Variants in B4GALNT3 observed in about 807,000 individuals in gnomAD.
The protein encoded by B4GALNT3 is beta-1,4-N-acetyl-galactosaminyltransferase 3.
B4GALNT3 carries 86 observed loss-of-function variants against 120.2 expected under a neutral mutation model. The observed-to-expected ratio is 0.72, with a 90% CI of 0.60 to 0.86. The LOEUF (loss-of-function observed/expected upper bound fraction) is 0.86, where lower values mean the gene tolerates loss of function less well. Ranked by LOEUF, B4GALNT3 falls within the 40% of genes least tolerant of loss-of-function variation. B4GALNT3 has a pLI of 0.00. For synonymous variants in B4GALNT3, 518 were observed against 510.4 expected (o/e 1.01, Z -0.20); for missense variants, 1,167 against 1,298.9 (o/e 0.90, Z 1.56).
rs368529801 is a variant in B4GALNT3 at position 549,930 on chromosome 12, G to A, written c.997+18G>A. The A allele has an allele frequency of 2.9e-5, 47 of 1,596,598 alleles. No homozygotes were observed. The highest frequency in any genetic ancestry group is 6.7e-5 in the South Asian group (6 of 88,976). On this transcript the variant is annotated intron_variant, in intron 10 of 19. Transcript: ENST00000266383. The stretch of plus-strand genomic sequence containing the variant: ...CTATCGAGGTAAGGCCTCGGCCAGC[G>A]CTTGGCGTCCTTTCTGGGGACACTG...
In B4GALNT3 at chr12:479,545, A is replaced by T. The variant is rs78551769; in HGVS notation, c.169+19000A>T. 2.9e-4 allele frequency among the ~76,000 whole-genome samples: 44 copies of T among 152,268 alleles called. No individual in the cohort carries two copies. The East Asian group carries it at 6.0e-3, about 21-fold the overall frequency. On this transcript the variant is annotated intron_variant, in intron 1 of 19. Transcript: ENST00000266383. Reference sequence around the variant, plus strand: ...AAGTGAAGTCAGGGAAATATGGGGGACAGGATCTTACTTCTAAGGACTCTC... The same window carrying T: ...AAGTGAAGTCAGGGAAATATGGGGGTCAGGATCTTACTTCTAAGGACTCTC...
At chr12:474,612 A>G (rs1217761825) in intron 1 of B4GALNT3, among the ~76,000 whole-genome samples, 5 of 152,148 alleles carry the variant, frequency 3.3e-5, no homozygotes, top group Non-Finnish European at 7.3e-5. Flanking sequence ...TGAGCCCAGG[A>G]GTTTGAGACC....
intron 13 of B4GALNT3, chr12:552,748 G>T (rs556206695): frequency 3.4e-6 from 2 of 581,150 alleles, no homozygotes; most frequent in Non-Finnish European, 6.1e-6. Context: ...AGCATGCTGG[G>T]GTCAGCTGGA....
intron 1 of B4GALNT3, among the ~76,000 whole-genome samples, chr12:510,399 C>G (rs2120569197): frequency 7.2e-6 from 1 of 138,124 alleles, no homozygotes; most frequent in South Asian, 2.4e-4. Flanking sequence ...GAAGGGCTAG[C>G]AGCTCCCCCG....
chr12:542,109 T>C (rs1392735107), intron 3 of B4GALNT3, among the ~76,000 whole-genome samples: 1 of 152,040 alleles, frequency 6.6e-6, no homozygotes, highest in Non-Finnish European at 1.5e-5. Flanking sequence ...CCCTCTCCCA[T>C]CCGTTCCAGT....
At chr12:531,216 C>T (rs765975295) in intron 1 of B4GALNT3, among the ~76,000 whole-genome samples, 8 of 151,024 alleles carry the variant, frequency 5.3e-5, no homozygotes, top group Non-Finnish European at 1.0e-4. Flanking sequence ...ACACCTGAGA[C>T]GCACTTGGTG....
At chr12:489,593 A>C (rs1467277932) in intron 1 of B4GALNT3, among the ~76,000 whole-genome samples, 4 of 152,216 alleles carry the variant, frequency 2.6e-5, no homozygotes, top group African/African-American at 9.6e-5. Context: ...TTAAACGTAA[A>C]GGAATGGAGG....
At chr12:503,529 G>T (rs1271601073) in intron 1 of B4GALNT3, among the ~76,000 whole-genome samples, 1 of 152,276 alleles carries the variant, frequency 6.6e-6, no homozygotes, top group Non-Finnish European at 1.5e-5. Context: ...CACTGCTCAC[G>T]CCTCTTTGCT....
At chr12:469,210 G>T (rs889984993) in intron 1 of B4GALNT3, among the ~76,000 whole-genome samples, 12 of 152,156 alleles carry the variant, frequency 7.9e-5, no homozygotes, top group Non-Finnish European at 1.6e-4. Flanking sequence ...CTCACCAATC[G>T]TGAGACCTTG....
At position 556,725 on chromosome 12, in the gene B4GALNT3, G is replaced by A. The variant is rs1947160280; in HGVS notation, c.2239G>A (p.Ala747Thr). Reference sequence around the variant, plus strand: ...TCCAGCTGGTGGGGAGGAGGTCGAGGCCCGGAACCTGCAAGGCCTGGTCTG... The same window carrying A: ...TCCAGCTGGTGGGGAGGAGGTCGAGACCCGGAACCTGCAAGGCCTGGTCTG... Reference protein sequence around the residue: ...IDPAGGEEVEARNLQGLVWDP... With the variant: ...IDPAGGEEVETRNLQGLVWDP... Residue 747 changes from alanine (A) to threonine (T), a missense_variant, in exon 15 of 20, where the codon GCC becomes ACC. Coordinates refer to ENST00000266383, the MANE Select transcript of B4GALNT3 (RefSeq NM_173593.4). 1.2e-6 allele frequency: 2 copies of A among 1,613,744 alleles called. No individual in the cohort carries two copies. The highest frequency in any genetic ancestry group is 1.7e-5 in the Admixed American group (1 of 59,990).
intron 1 of B4GALNT3, among the ~76,000 whole-genome samples, chr12:479,301 C>T (rs145193755): frequency 2.6e-5 from 4 of 152,270 alleles, no homozygotes; most frequent in East Asian, 3.9e-4. Context: ...CGACCTCAGC[C>T]GCCAGAGTAG....
intron 1 of B4GALNT3, among the ~76,000 whole-genome samples, chr12:496,351 G>A (rs1265903375): frequency 6.6e-6 from 1 of 152,122 alleles, no homozygotes; most frequent in African/African-American, 2.4e-5. Context: ...TGTAGTCCCA[G>A]CACTTTGGGA....
At chr12:517,361 A>G (rs539227044) in intron 1 of B4GALNT3, among the ~76,000 whole-genome samples, 1 of 152,208 alleles carries the variant, frequency 6.6e-6, no homozygotes, top group South Asian at 2.1e-4. Flanking sequence ...GGGAATCATA[A>G]CCTTCTGCTT....
At chr12:515,577 T>A (rs1946645050) in intron 1 of B4GALNT3, among the ~76,000 whole-genome samples, 1 of 152,198 alleles carries the variant, frequency 6.6e-6, no homozygotes, top group East Asian at 1.9e-4. Context: ...AAATGCTAAA[T>A]GTGTTAGCTC....
Position 552,777 on chromosome 12 carries a change from G to C in B4GALNT3, c.1270+249G>C, listed in dbSNP as rs1171334802. The C allele has an allele frequency of 1.6e-5, 9 of 550,182 alleles. No individual in the cohort carries two copies. In the African/African-American group the frequency reaches 1.7e-4, roughly 10 times the overall value. 34.1% of individuals were successfully genotyped at this position (550,182 alleles called of 1,614,324 possible). On this transcript the variant is annotated intron_variant, in intron 13 of 19. Coordinates refer to ENST00000266383, the MANE Select transcript of B4GALNT3 (RefSeq NM_173593.4). ...AGCTGGAGGAGAGTGAGAGCCCGGGGGAGGTTACTTGGACTGCTGGAGGGG... is the reference window on the plus strand; with the variant it reads ...AGCTGGAGGAGAGTGAGAGCCCGGGCGAGGTTACTTGGACTGCTGGAGGGG...
intron 11 of B4GALNT3, among the ~76,000 whole-genome samples, chr12:551,371 C>T (rs928753668): frequency 1.3e-5 from 2 of 152,218 alleles, no homozygotes; most frequent in Non-Finnish European, 2.9e-5. Flanking sequence ...TGGTCAGTCC[C>T]GCCAGCTAGT....
intron 1 of B4GALNT3, among the ~76,000 whole-genome samples, chr12:471,864 C>T (rs1252759390): frequency 6.6e-6 from 1 of 152,168 alleles, no homozygotes; most frequent in African/African-American, 2.4e-5. Flanking sequence ...CTGATTTTTA[C>T]ATCTTCAAAT....
intron 1 of B4GALNT3, among the ~76,000 whole-genome samples, chr12:520,092 G>A (rs564705405): frequency 6.6e-6 from 1 of 152,278 alleles, no homozygotes; most frequent in East Asian, 1.9e-4. Flanking sequence ...GGATCGACGC[G>A]CTGGCTCAGG....
chr12:462,713 C>T (rs1254570868), intron 1 of B4GALNT3, among the ~76,000 whole-genome samples: 4 of 152,046 alleles, frequency 2.6e-5, no homozygotes, highest in South Asian at 2.1e-4. Context: ...TGCAGGGTGT[C>T]TTTTTGTCCT....
Sources: gnomAD v4.1 joint callset for allele counts (sites outside exome capture counted in the v4.1 genomes callset) on GRCh38, gnomAD v4.1.1 for gene constraint, MANE v1.5 for transcripts, NCBI Gene and HGNC (gene_info 2026-07-23, HGNC 2026-07-21) for gene names.